NDST4: variants seen among roughly 807,000 people sequenced by gnomAD.
NDST4 encodes the protein N-heparan sulfate sulfotransferase 4.
In NDST4, 63 loss-of-function variants were observed where a neutral mutation model predicts 100.8. The observed-to-expected ratio is 0.62, with a 90% CI of 0.51 to 0.77. The LOEUF (loss-of-function observed/expected upper bound fraction) is 0.77, where lower values mean the gene tolerates loss of function less well. Ranked by LOEUF, NDST4 falls within the 30% of genes least tolerant of loss-of-function variation. The pLI is 0.00. For missense variants in NDST4, 943 were observed against 1,018.4 expected, an observed-to-expected ratio of 0.93 and a Z score of 1.01; for synonymous variants, 377 against 361.8, an observed-to-expected ratio of 1.04 and a Z score of -0.48.
At chr4:115,051,179 A>G (rs1005153945) in intron 2 of NDST4, among the ~76,000 whole-genome samples, 1 of 152,038 alleles carries the variant, frequency 6.6e-6, no homozygotes, top group Non-Finnish European at 1.5e-5. Flanking sequence ...ACCTGCCTTT[A>G]TGATTTTATT....
rs1578397856 is a variant in NDST4, at chr4:114,933,450, T to TCC, written c.1536+1755_1536+1756insGG. Among the ~76,000 whole-genome samples, 37 of 145,608 alleles carry TCC rather than the reference T, an allele frequency of 2.5e-4. 1 individual carries two copies. In the East Asian group the frequency reaches 3.5e-3, roughly 14 times the overall value. On this transcript the variant is annotated intron_variant, in intron 6 of 13. Transcript: ENST00000264363. ...TCTTTTCCTTTTTTTTTTTTTTTTT[T>TCC]TTTTGTGTGTAAAAACCCAAAAGCC...
chr4:115,105,433 A>T (rs2110345255), intron 1 of NDST4, among the ~76,000 whole-genome samples: 1 of 152,120 alleles, frequency 6.6e-6, no homozygotes. Flanking sequence ...TATTATGAAA[A>T]TTTGCTTTTT....
intron 1 of NDST4, among the ~76,000 whole-genome samples, chr4:115,111,032 G>A (rs1314915565): frequency 6.6e-6 from 1 of 151,930 alleles, no homozygotes; most frequent in South Asian, 2.1e-4. Flanking sequence ...GAATCTTCTA[G>A]TTTGAACACA....
At chr4:114,926,567 T>G (rs1578393098) in intron 6 of NDST4, among the ~76,000 whole-genome samples, 1 of 151,330 alleles carries the variant, frequency 6.6e-6, no homozygotes, top group Non-Finnish European at 1.5e-5. Flanking sequence ...AAAAAAACTG[T>G]TGAAAATGCA....
At chr4:114,845,601 G>A (rs530689747) in intron 10 of NDST4, among the ~76,000 whole-genome samples, 1 of 152,152 alleles carries the variant, frequency 6.6e-6, no homozygotes, top group Non-Finnish European at 1.5e-5. Flanking sequence ...CTTTGGTGAT[G>A]TGTGAGTTTT....
At chr4:114,973,062 A>C (rs973029243) in intron 3 of NDST4, among the ~76,000 whole-genome samples, 5 of 152,054 alleles carry the variant, frequency 3.3e-5, no homozygotes, top group African/African-American at 1.2e-4. Context: ...CAAACCTTTG[A>C]CACTGGAAAC....
intron 2 of NDST4, among the ~76,000 whole-genome samples, chr4:115,016,789 C>A (rs1245493056): frequency 6.6e-6 from 1 of 152,012 alleles, no homozygotes; most frequent in Non-Finnish European, 1.5e-5. Flanking sequence ...CTAATGACTC[C>A]GACCCTTCCA....
At chr4:114,959,721 G>A (rs950222280) in intron 4 of NDST4, among the ~76,000 whole-genome samples, 1 of 151,946 alleles carries the variant, frequency 6.6e-6, no homozygotes, top group Non-Finnish European at 1.5e-5. Context: ...AATCGATTAT[G>A]AGATTATGCA....
Position 114,833,805 on chromosome 4 carries a change from A to G in NDST4, c.2287-90T>C, listed in dbSNP as rs79830327. The G allele has an allele frequency of 3.5e-3, 2,705 of 762,102 alleles. 63 individuals are homozygous for G. In the African/African-American group the frequency reaches 0.044, roughly 12 times the overall value. The allele number at this position is 762,102 out of a possible 1,614,324, so 47.2% of individuals were successfully genotyped here. ...CCTTTACCTGGTGTGACATTCATAA[A>G]TTAGATCAGTGTGAATAGGAAGCAA... On this transcript the variant is annotated intron_variant, in intron 11 of 13. Coordinates refer to ENST00000264363, the MANE Select transcript of NDST4 (RefSeq NM_022569.3).
chr4:114,992,684 T>C (rs967997556), intron 2 of NDST4, among the ~76,000 whole-genome samples: 1 of 151,944 alleles, frequency 6.6e-6, no homozygotes, highest in African/African-American at 2.4e-5. Context: ...TTGAGCATTT[T>C]ACAATTTTCA....
intron 1 of NDST4, among the ~76,000 whole-genome samples, chr4:115,101,486 T>A (rs145638781): frequency 7.2e-5 from 11 of 152,060 alleles, no homozygotes; most frequent in African/African-American, 2.4e-4. Context: ...CATGAAAATA[T>A]TAGGAAATAA....
intron 12 of NDST4, among the ~76,000 whole-genome samples, chr4:114,830,137 T>C (rs1474485572): frequency 6.6e-6 from 1 of 152,186 alleles, no homozygotes. Flanking sequence ...TACTTTTACA[T>C]GAACATTTTT....
rs902724532 is a variant in NDST4 at position 115,084,679 on chromosome 4, C to T, written c.-246-7397G>A. ...CTGTTGTTTCAGAGGGTGCAAGCCC[C>T]AAGCCTTGGTGGCTTTCATGTGGTG... On this transcript the variant is annotated intron_variant, in intron 1 of 13. Transcript: ENST00000264363. Among the ~76,000 whole-genome samples the T allele has an allele frequency of 3.9e-5, 6 of 152,194 alleles. No homozygotes were observed. In the East Asian group the frequency reaches 1.2e-3, roughly 29 times the overall value.
chr4:114,977,175 G>C lies in NDST4; in HGVS notation c.1066+12C>G, dbSNP rs369744023. ...ATATGTAGCTGCCTGAGAACACAAA[G>C]CTCCTTCTTACCTGTGTGGTAAAAC... On this transcript the variant is annotated intron_variant, in intron 3 of 13. Transcript: ENST00000264363. 639 of 1,550,646 alleles carry C rather than the reference G, an allele frequency of 4.1e-4. 1 individual carries two copies. The highest frequency in any genetic ancestry group is 6.1e-4 in the South Asian group (53 of 86,860).
At chr4:115,037,664 A>T (rs903655466) in intron 2 of NDST4, among the ~76,000 whole-genome samples, 2 of 152,088 alleles carry the variant, frequency 1.3e-5, no homozygotes, top group Non-Finnish European at 2.9e-5. Context: ...ATGTTCAGCA[A>T]TTTTTTTAAA....
chr4:114,915,071 A>C (rs1200023160), intron 6 of NDST4, among the ~76,000 whole-genome samples: 1 of 152,198 alleles, frequency 6.6e-6, no homozygotes, highest in Non-Finnish European at 1.5e-5. Context: ...CAGATTGCTT[A>C]GCAGAGGTGC....
intron 2 of NDST4, among the ~76,000 whole-genome samples, chr4:115,036,213 T>C (rs1017923624): frequency 5.3e-5 from 8 of 151,692 alleles, no homozygotes; most frequent in Admixed American, 2.6e-4. Flanking sequence ...ATTTGACTAC[T>C]ATATAATGTT....
At chr4:115,104,306 AT>A (rs1729794649) in intron 1 of NDST4, among the ~76,000 whole-genome samples, 1 of 152,094 alleles carries the variant, frequency 6.6e-6, no homozygotes, top group Non-Finnish European at 1.5e-5. Flanking sequence ...TTTGGAAGAA[AT>A]TACTACTGCC....
chr4:114,998,705 GC>G (rs1727217923), intron 2 of NDST4, among the ~76,000 whole-genome samples: 1 of 151,946 alleles, frequency 6.6e-6, no homozygotes, highest in Non-Finnish European at 1.5e-5. Context: ...TTTTTAATAT[GC>G]CCCTAAACTT....
Sources: gnomAD v4.1 joint callset for allele counts (sites outside exome capture counted in the v4.1 genomes callset) on GRCh38, gnomAD v4.1.1 for gene constraint, MANE v1.5 for transcripts, NCBI Gene and HGNC (gene_info 2026-07-23, HGNC 2026-07-21) for gene names.